The following CDCA5 variants were observed in gnomAD, a reference collection of about 807,000 sequenced individuals.
The protein encoded by CDCA5 is cell division cycle associated 5.
In CDCA5, 14 loss-of-function variants were observed where a neutral mutation model predicts 25.7. The observed-to-expected ratio is 0.54, with a 90% CI of 0.36 to 0.85. The LOEUF is 0.85. Among genes scored for constraint, CDCA5 ranks in the 40% least tolerant of loss-of-function variants. The pLI is 0.01. For missense variants in CDCA5, 307 were observed against 324.5 expected, an observed-to-expected ratio of 0.95 and a Z score of 0.41; for synonymous variants, 127 against 128.7, an observed-to-expected ratio of 0.99 and a Z score of 0.09.
At chr11:65,080,513 A>G (rs1947543753) in intron 4 of CDCA5, among the ~76,000 whole-genome samples, 1 of 152,118 alleles carries the variant, frequency 6.6e-6, no homozygotes, top group Non-Finnish European at 1.5e-5. Flanking sequence ...TCCAGGGCTC[A>G]CGCAATCCTC....
chr11:65,074,856 G>GT (rs1460421772), downstream of CDCA5, among the ~76,000 whole-genome samples: 1 of 151,576 alleles, frequency 6.6e-6, no homozygotes, highest in Admixed American at 6.6e-5. Flanking sequence ...GAGGTCGGGA[G>GT]TTCAAGACCA....
chr11:65,081,690 G>C (rs78061935), intron 4 of CDCA5, among the ~76,000 whole-genome samples: 1 of 152,120 alleles, frequency 6.6e-6, no homozygotes, highest in East Asian at 1.9e-4. Flanking sequence ...TAAGGACCAG[G>C]CACAGTGGCT....
chr11:65,061,778 A>C (rs1434261526), downstream of CDCA5, among the ~76,000 whole-genome samples: 1 of 49,980 alleles, frequency 2.0e-5, no homozygotes, highest in African/African-American at 1.7e-4. Flanking sequence ...CCGTCTCAAG[A>C]AAAAAAAAAA....
At chr11:65,065,589 G>A (rs140803341), downstream of CDCA5, among the ~76,000 whole-genome samples, 190 of 152,246 alleles carry the variant, frequency 1.2e-3, no homozygotes, top group African/African-American at 4.0e-3. Flanking sequence ...TGACCAGCCC[G>A]GGTTATGGGA....
chr11:65,073,632 T>C (rs1034105936), downstream of CDCA5, among the ~76,000 whole-genome samples: 3 of 152,200 alleles, frequency 2.0e-5, no homozygotes, highest in African/African-American at 7.2e-5. Flanking sequence ...CCTGGAGTCC[T>C]CATGAGCCCC....
chr11:65,062,912 C>T (rs1217330677), downstream of CDCA5, among the ~76,000 whole-genome samples: 1 of 152,110 alleles, frequency 6.6e-6, no homozygotes, highest in Non-Finnish European at 1.5e-5. Flanking sequence ...TAAGTTCTAC[C>T]AGGGCAGACA....
At chr11:65,063,186 G>A (rs748521670), downstream of CDCA5, among the ~76,000 whole-genome samples, 10 of 152,238 alleles carry the variant, frequency 6.6e-5, no homozygotes, top group East Asian at 1.9e-4. Context: ...GGACACCTGC[G>A]TAACAGGCGC....
downstream of CDCA5, among the ~76,000 whole-genome samples, chr11:65,073,470 G>A (rs181040728): frequency 5.9e-5 from 9 of 152,294 alleles, no homozygotes; most frequent in Admixed American, 3.9e-4. Flanking sequence ...GGGGTGACGC[G>A]TGAGCCAGAC....
chr11:65,066,901 C>T, intron 4 of CDCA5: 1 of 1,288,520 alleles, frequency 7.8e-7, no homozygotes, highest in Non-Finnish European at 1.0e-6. Context: ...AAACAGACCC[C>T]TCCCACCTCA....
intron 3 of CDCA5, chr11:65,067,832 A>T (rs1947268542): frequency 4.1e-6 from 4 of 980,264 alleles, no homozygotes; most frequent in Non-Finnish European, 5.6e-6. Flanking sequence ...GGGGGTGCCC[A>T]GCCAAAGGCC....
exon 5 of CDCA5, chr11:65,066,848 G>A (rs1454353603): frequency 1.6e-6 from 2 of 1,289,352 alleles, no homozygotes; most frequent in African/African-American, 1.5e-5. Context: ...GCCAGGTTGT[G>A]CACTTGGGTG....
At chr11:65,063,565 G>C (rs1947205038), downstream of CDCA5, among the ~76,000 whole-genome samples, 6 of 152,236 alleles carry the variant, frequency 3.9e-5, no homozygotes, top group African/African-American at 1.2e-4. Flanking sequence ...GGTCACACCA[G>C]ACAGCAAGGG....
intron 4 of CDCA5, chr11:65,067,601 T>C: frequency 8.7e-7 from 1 of 1,152,410 alleles, no homozygotes; most frequent in South Asian, 1.3e-5. Context: ...GGCCTGGCCT[T>C]GGTCGGGGGA....
chr11:65,072,781 G>A (rs968604776), downstream of CDCA5, among the ~76,000 whole-genome samples: 6 of 152,098 alleles, frequency 3.9e-5, no homozygotes, highest in South Asian at 6.2e-4. Context: ...CTGTGTAAAC[G>A]TGTGTGCAGA....
intron 4 of CDCA5, among the ~76,000 whole-genome samples, chr11:65,082,524 G>A (rs1032319755): frequency 1.7e-4 from 25 of 146,412 alleles, no homozygotes; most frequent in Admixed American, 2.8e-4. Context: ...GTGCAGGGGC[G>A]TGATCTCGGC....
At chr11:65,061,777 GAAAAA>G (rs781316054), downstream of CDCA5, among the ~76,000 whole-genome samples, 1 of 81,536 alleles carries the variant, frequency 1.2e-5, no homozygotes, top group African/African-American at 4.0e-5. Context: ...TCCGTCTCAA[GAAAAA>G]AAAAAAAAAA....
At chr11:65,081,801 A>G (rs1947572745) in intron 4 of CDCA5, among the ~76,000 whole-genome samples, 1 of 152,120 alleles carries the variant, frequency 6.6e-6, no homozygotes, top group Non-Finnish European at 1.5e-5. Context: ...CCTCATCTCT[A>G]TAAAAAAAAT....
In CDCA5 at chr11:65,078,586, G is replaced by A; in HGVS notation, c.*521C>T. 2.0e-6 allele frequency: 2 copies of A among 986,054 alleles called. No individual in the cohort carries two copies. Among genetic ancestry groups the A allele is most frequent in the Non-Finnish European group, 2.4e-6 (2 of 830,414 alleles). The allele number at this position is 986,054 out of a possible 1,614,324, so 61.1% of individuals were successfully genotyped here. A position where few individuals can be genotyped will look rare whatever the true frequency, so the allele number is the denominator to read the frequency against. ...TGCCCTCAGCCCACGAATTCTCTCT[G>A]GGACTATTTACAGAATCAAAGGGGA... On this transcript the variant is annotated 3_prime_UTR_variant, in exon 6 of 6. Coordinates refer to ENST00000275517, the MANE Select transcript of CDCA5 (RefSeq NM_080668.4).
Position 65,078,835 on chromosome 11 carries a change from A to C in CDCA5, c.*272T>G. The C allele has an allele frequency of 8.5e-7, 1 of 1,178,638 alleles. No individual in the cohort carries two copies. Among genetic ancestry groups the C allele is most frequent in the East Asian group, 3.7e-5 (1 of 26,790 alleles). The allele number at this position is 1,178,638 out of a possible 1,614,324, so 73.0% of individuals were successfully genotyped here. A position where few individuals can be genotyped will look rare whatever the true frequency, so the allele number is the denominator to read the frequency against. ...CTCCCCAGTCTGTGGCCCATCTGGA[A>C]ACTGGCTATGGTACTTTGGGGAGAT... On this transcript the variant is annotated 3_prime_UTR_variant, in exon 6 of 6. Coordinates refer to ENST00000275517, the MANE Select transcript of CDCA5 (RefSeq NM_080668.4).
Sources: allele counts gnomAD v4.1 joint callset (sites outside exome capture counted in the v4.1 genomes callset), GRCh38; gene constraint gnomAD v4.1.1; transcripts MANE v1.5; gene names NCBI Gene and HGNC (gene_info 2026-07-23, HGNC 2026-07-21).